HDX: variants seen among roughly 807,000 people sequenced by gnomAD.
The protein encoded by HDX is highly divergent homeobox, also known as chromosome X open reading frame 43.
In HDX, 19 loss-of-function variants were observed where a neutral mutation model predicts 45.2. The ratio of observed to expected loss-of-function variants is 0.42; its 90% confidence interval spans 0.29 to 0.62. The LOEUF (loss-of-function observed/expected upper bound fraction) is 0.62, where lower values mean the gene tolerates loss of function less well. Among genes scored for constraint, HDX ranks in the 20% least tolerant of loss-of-function variants. The pLI is 0.20. For missense variants in HDX, 532 were observed against 493.9 expected, an observed-to-expected ratio of 1.08 and a Z score of -0.73; for synonymous variants, 188 against 172.8, an observed-to-expected ratio of 1.09 and a Z score of -0.69.
chrX:84,443,937 A>G (rs1026209156), intron 4 of HDX, among the ~76,000 whole-genome samples: 1 of 111,856 alleles, frequency 8.9e-6, no homozygotes, highest in Non-Finnish European at 1.9e-5. Flanking sequence ...GGTAGCAAGA[A>G]CTATTGCTTG....
chrX:84,385,136 T>C (rs113581347), intron 5 of HDX, among the ~76,000 whole-genome samples: 4,877 of 107,575 alleles, frequency 0.045, 290 homozygotes, highest in African/African-American at 0.16. Flanking sequence ...TTTAATGATA[T>C]TGATTTTTCC....
intron 7 of HDX, among the ~76,000 whole-genome samples, chrX:84,342,418 A>G (rs1159498383): frequency 9.0e-6 from 1 of 111,444 alleles, no homozygotes; most frequent in East Asian, 2.8e-4. Flanking sequence ...CATTTTATAA[A>G]GCCAAAGTTG....
At chrX:84,437,339 C>T (rs2039659813) in intron 5 of HDX, among the ~76,000 whole-genome samples, 1 of 110,376 alleles carries the variant, frequency 9.1e-6, no homozygotes, top group African/African-American at 3.3e-5. Context: ...TGCTATGTTG[C>T]CTAGTCTGGA....
chrX:84,483,838 T>A (rs1415571226), intron 2 of HDX, among the ~76,000 whole-genome samples: 1 of 111,801 alleles, frequency 8.9e-6, no homozygotes, highest in Non-Finnish European at 1.9e-5. Context: ...TTGCACCAGA[T>A]ACCCTAAATC....
chrX:84,354,262 C>T (rs1383872207), intron 6 of HDX, among the ~76,000 whole-genome samples: 1 of 111,623 alleles, frequency 9.0e-6, no homozygotes, highest in Admixed American at 9.6e-5. Context: ...AACATAATGG[C>T]TATTAAAAAT....
chrX:84,456,334 A>T (rs1435046908), intron 4 of HDX, among the ~76,000 whole-genome samples: 1 of 111,570 alleles, frequency 9.0e-6, no homozygotes, highest in Non-Finnish European at 1.9e-5. Context: ...ATAATGGGAT[A>T]TAAGATATTA....
intron 4 of HDX, among the ~76,000 whole-genome samples, chrX:84,466,070 T>C (rs1039542683): frequency 8.9e-6 from 1 of 112,157 alleles, no homozygotes; most frequent in Non-Finnish European, 1.9e-5. Context: ...ACAATGGGCT[T>C]TTAATAGTTG....
At chrX:84,465,405 G>A (rs1024642955) in intron 4 of HDX, among the ~76,000 whole-genome samples, 13 of 112,051 alleles carry the variant, frequency 1.2e-4, no homozygotes, top group Non-Finnish European at 1.5e-4. Flanking sequence ...CAATAACAAA[G>A]GCTTGGAACC....
chrX:84,374,330 C>G (rs1004297015), intron 5 of HDX, among the ~76,000 whole-genome samples: 1 of 108,861 alleles, frequency 9.2e-6, no homozygotes, highest in Non-Finnish European at 1.9e-5. Flanking sequence ...AATGGCCATA[C>G]TGCCCAAGGT....
intron 7 of HDX, among the ~76,000 whole-genome samples, chrX:84,341,727 T>C (rs957325040): frequency 1.8e-5 from 2 of 109,070 alleles, no homozygotes; most frequent in Non-Finnish European, 3.8e-5. Flanking sequence ...TTTTTTTTTT[T>C]TCTTAATTTT....
intron 4 of HDX, among the ~76,000 whole-genome samples, chrX:84,461,766 G>A (rs763993137): frequency 3.6e-5 from 4 of 111,486 alleles, no homozygotes; most frequent in Non-Finnish European, 7.6e-5. Context: ...CAAACTACCT[G>A]TCTGATAAGG....
At chrX:84,457,442 A>T (rs2040136074) in intron 4 of HDX, among the ~76,000 whole-genome samples, 1 of 112,091 alleles carries the variant, frequency 8.9e-6, no homozygotes, top group South Asian at 3.7e-4. Flanking sequence ...GCAACAAAAC[A>T]TTGAAAACAT....
chrX:84,372,346 A>T (rs1207372309), intron 5 of HDX, among the ~76,000 whole-genome samples: 2 of 112,021 alleles, frequency 1.8e-5, no homozygotes, highest in African/African-American at 6.5e-5. Context: ...ACTTTAAGAC[A>T]TGATTAAAAT....
intron 9 of HDX, among the ~76,000 whole-genome samples, chrX:84,328,269 G>A (rs1291568509): frequency 9.0e-6 from 1 of 110,868 alleles, no homozygotes; most frequent in Non-Finnish European, 1.9e-5. Context: ...CTATTCAGGA[G>A]GCTGAAGCAA....
At position 84,381,942 on chromosome X, in the gene HDX, T is replaced by C. The variant is rs754629134; in HGVS notation, c.1306-20330A>G. ...CATAGAAGGAGCAAATATTTGCAAATTGCCCATCTGACAAGGGATTAATAA... is the reference window on the plus strand; with the variant it reads ...CATAGAAGGAGCAAATATTTGCAAACTGCCCATCTGACAAGGGATTAATAA... On this transcript the variant is annotated intron_variant, in intron 5 of 10. Coordinates refer to ENST00000373177, the MANE Select transcript of HDX (RefSeq NM_001177479.2). Among the ~76,000 whole-genome samples the C allele has an allele frequency of 4.5e-5, 5 of 110,879 alleles. No individual in the cohort carries two copies. In the East Asian group the frequency reaches 1.1e-3, roughly 25 times the overall value.
rs1314669644 is a variant in HDX, at chrX:84,320,027, C to G, written c.*1862G>C. The G allele has an allele frequency of 9.0e-6, 1 of 110,950 alleles. No individual in the cohort carries two copies. Among genetic ancestry groups the G allele is most frequent in the Admixed American group, 9.6e-5 (1 of 10,417 alleles). 9.1% of individuals were successfully genotyped at this position (110,950 alleles called of 1,213,427 possible). On this transcript the variant is annotated 3_prime_UTR_variant, in exon 11 of 11. Transcript: ENST00000373177. ...GAAGTAATTATATTTGAAAGATAAA[C>G]TCAATGACTATGAAGCAGACCCTAG...
At chrX:84,401,377 C>A (rs1387766868) in intron 5 of HDX, among the ~76,000 whole-genome samples, 1 of 111,509 alleles carries the variant, frequency 9.0e-6, no homozygotes, top group East Asian at 2.8e-4. Context: ...TAAAAAATAA[C>A]CCCATCAAAA....
At chrX:84,500,873 C>A (rs771641534) in intron 1 of HDX, among the ~76,000 whole-genome samples, 1 of 110,992 alleles carries the variant, frequency 9.0e-6, no homozygotes, top group East Asian at 2.8e-4. Context: ...AATAAGGGGC[C>A]AAGAATATGT....
At chrX:84,452,591 A>G (rs1434335408) in intron 4 of HDX, among the ~76,000 whole-genome samples, 1 of 110,958 alleles carries the variant, frequency 9.0e-6, no homozygotes, top group Non-Finnish European at 1.9e-5. Flanking sequence ...TTGAAAATAC[A>G]TGACAAGGAC....
Sources: gnomAD v4.1 joint callset for allele counts (sites outside exome capture counted in the v4.1 genomes callset) on GRCh38, gnomAD v4.1.1 for gene constraint, MANE v1.5 for transcripts, NCBI Gene and HGNC (gene_info 2026-07-23, HGNC 2026-07-21) for gene names.